DENND1A: variants seen among roughly 807,000 people sequenced by gnomAD.
The protein encoded by DENND1A is DENN domain containing 1A.
DENND1A carries 51 observed loss-of-function variants against 113.7 expected under a neutral mutation model. The observed-to-expected ratio is 0.45, with a 90% CI of 0.36 to 0.57. DENND1A has a LOEUF of 0.57. DENND1A is among the 20% of genes least tolerant of loss of function. The pLI, the probability that DENND1A is intolerant of heterozygous loss-of-function variation, is 0.00. For missense variants in DENND1A, 1,258 were observed against 1,395.9 expected (o/e 0.90, Z 1.57); for synonymous variants, 565 against 570.8 (o/e 0.99, Z 0.14).
At chr9:123,477,079 A>G (rs1372645173) in intron 13 of DENND1A, among the ~76,000 whole-genome samples, 1 of 152,186 alleles carries the variant, frequency 6.6e-6, no homozygotes, top group African/African-American at 2.4e-5. Context: ...CCATTTTCAG[A>G]TGAAGAAACT....
At chr9:123,810,238 C>G (rs984364035) in intron 2 of DENND1A, among the ~76,000 whole-genome samples, 1 of 152,096 alleles carries the variant, frequency 6.6e-6, no homozygotes, top group African/African-American at 2.4e-5. Flanking sequence ...TGTTGGCCAT[C>G]ATGTCTCTCT....
chr9:123,697,910 C>T (rs1327200247), intron 5 of DENND1A, among the ~76,000 whole-genome samples: 1 of 152,204 alleles, frequency 6.6e-6, no homozygotes, highest in African/African-American at 2.4e-5. Flanking sequence ...AACCTTTAGG[C>T]TGTTTAAAAA....
intron 12 of DENND1A, among the ~76,000 whole-genome samples, chr9:123,577,837 A>C (rs988048396): frequency 6.6e-6 from 1 of 152,078 alleles, no homozygotes; most frequent in Non-Finnish European, 1.5e-5. Context: ...GTGCCTCTCA[A>C]AGCTTAATTT....
At chr9:123,436,891 G>A (rs1043939345) in intron 19 of DENND1A, among the ~76,000 whole-genome samples, 1 of 152,118 alleles carries the variant, frequency 6.6e-6, no homozygotes, top group African/African-American at 2.4e-5. Context: ...GGGATTACAG[G>A]TGCCTGCCAT....
intron 21 of DENND1A, among the ~76,000 whole-genome samples, chr9:123,389,189 A>G (rs555617140): frequency 6.6e-6 from 1 of 152,356 alleles, no homozygotes; most frequent in African/African-American, 2.4e-5. Flanking sequence ...CTTTGCTGCA[A>G]TCCGCCAGGG....
intron 13 of DENND1A, among the ~76,000 whole-genome samples, chr9:123,554,761 A>G (rs562043995): frequency 6.6e-6 from 1 of 152,294 alleles, no homozygotes; most frequent in East Asian, 1.9e-4. Flanking sequence ...AATTGGTGGC[A>G]TCCTTCGATT....
At chr9:123,776,542 C>T (rs1449940038) in intron 3 of DENND1A, among the ~76,000 whole-genome samples, 1 of 152,136 alleles carries the variant, frequency 6.6e-6, no homozygotes, top group Non-Finnish European at 1.5e-5. Context: ...ATGTGTACTT[C>T]TGATAACATT....
intron 13 of DENND1A, among the ~76,000 whole-genome samples, chr9:123,506,675 G>A (rs1396666423): frequency 1.3e-5 from 2 of 151,654 alleles, no homozygotes; most frequent in Non-Finnish European, 2.9e-5. Flanking sequence ...AGAGATTAGG[G>A]TAATTATGAC....
chr9:123,592,458 C>T (rs968274386), intron 11 of DENND1A, among the ~76,000 whole-genome samples: 2 of 152,160 alleles, frequency 1.3e-5, no homozygotes, highest in African/African-American at 4.8e-5. Context: ...CTCAGTTTCC[C>T]TATCTGTATA....
At chr9:123,489,783 A>T (rs1372710498) in intron 13 of DENND1A, among the ~76,000 whole-genome samples, 1 of 152,230 alleles carries the variant, frequency 6.6e-6, no homozygotes, top group Non-Finnish European at 1.5e-5. Context: ...GGAGAAACTC[A>T]GTCTCCTTAT....
At chr9:123,640,151 T>C (rs138333941) in intron 9 of DENND1A, among the ~76,000 whole-genome samples, 1 of 152,208 alleles carries the variant, frequency 6.6e-6, no homozygotes, top group East Asian at 1.9e-4. Flanking sequence ...CAATTTAAAA[T>C]AGAGAGAGAA....
intron 12 of DENND1A, among the ~76,000 whole-genome samples, chr9:123,582,824 G>A (rs1325288874): frequency 6.6e-6 from 1 of 152,076 alleles, no homozygotes; most frequent in African/African-American, 2.4e-5. Flanking sequence ...CTCAGCTCCC[G>A]AGTAGCTGGG....
At chr9:123,698,347 C>G (rs1004865803) in intron 5 of DENND1A, among the ~76,000 whole-genome samples, 6 of 152,190 alleles carry the variant, frequency 3.9e-5, no homozygotes, top group South Asian at 4.1e-4. Flanking sequence ...TGGTTTAGAG[C>G]TATATCTGAA....
chr9:123,561,355 G>T (rs1320906041), intron 12 of DENND1A, among the ~76,000 whole-genome samples: 3 of 152,156 alleles, frequency 2.0e-5, no homozygotes, highest in Non-Finnish European at 2.9e-5. Context: ...TCTGAAACTA[G>T]CCAAGTGGTC....
At chr9:123,864,070 C>G (rs77210415) in intron 2 of DENND1A, among the ~76,000 whole-genome samples, 1 of 150,972 alleles carries the variant, frequency 6.6e-6, no homozygotes, top group Non-Finnish European at 1.5e-5. Flanking sequence ...AATAATATAG[C>G]TGTCCTTTTG....
chr9:123,424,981 C>A (rs752096672), intron 19 of DENND1A, among the ~76,000 whole-genome samples: 1 of 152,218 alleles, frequency 6.6e-6, no homozygotes, highest in African/African-American at 2.4e-5. Context: ...GCAGGCACTA[C>A]CTGGCTCTGC....
At position 123,916,371 on chromosome 9, in the gene DENND1A, C is replaced by CTTTT. The variant is rs545019678; in HGVS notation, c.17+13514_17+13517dup. 1.5e-3 allele frequency among the ~76,000 whole-genome samples: 187 copies of CTTTT among 126,648 alleles called. 4 individuals carry two copies. Among genetic ancestry groups the CTTTT allele is most frequent in the African/African-American group, 4.9e-3 (165 of 33,338 alleles). The allele number at this position is 126,648 out of a possible 152,430, so 83.1% of individuals were successfully genotyped here. A position where few individuals can be genotyped will look rare whatever the true frequency, so the allele number is the denominator to read the frequency against. The stretch of plus-strand genomic sequence containing the variant: ...AGATGTGAATATATCTACGTATTTG[C>CTTTT]TTTTTTTTTTTTTTTTTTGAGACAG... On this transcript the variant is annotated intron_variant, in intron 1 of 23. Coordinates refer to ENST00000394215, the MANE Select transcript of DENND1A (RefSeq NM_001352964.2).
chr9:123,574,394 T>C (rs1393487808), intron 12 of DENND1A, among the ~76,000 whole-genome samples: 1 of 152,144 alleles, frequency 6.6e-6, no homozygotes, highest in African/African-American at 2.4e-5. Flanking sequence ...AGATTTAAAA[T>C]TCTTTAATAG....
At position 123,383,720 on chromosome 9, in the gene DENND1A, T is replaced by C; in HGVS notation, c.1954A>G (p.Lys652Glu). 1 of 1,614,178 alleles carries C rather than the reference T, an allele frequency of 6.2e-7. No homozygotes were observed. The highest frequency in any genetic ancestry group is 8.5e-7 in the Non-Finnish European group (1 of 1,180,034). The part of the protein sequence containing the change: ...EAALQPLGQA[K>E]SLEDLRAPKD... Reference sequence around the variant, plus strand: ...GGGGCACGAAGGTCCTCTAAGCTCTTGGCCTGGCCCAGTGGCTGCAGTGCG... The same window carrying C: ...GGGGCACGAAGGTCCTCTAAGCTCTCGGCCTGGCCCAGTGGCTGCAGTGCG... Residue 652 changes from lysine (K) to glutamate (E), a missense_variant, in exon 23 of 24, where the codon AAG becomes GAG. Lys to Glu is a moderately conservative substitution (Grantham distance 56, BLOSUM62 1). Coordinates refer to ENST00000394215, the MANE Select transcript of DENND1A (RefSeq NM_001352964.2).
Sources: allele counts gnomAD v4.1 joint callset (sites outside exome capture counted in the v4.1 genomes callset), GRCh38; gene constraint gnomAD v4.1.1; transcripts MANE v1.5; gene names NCBI Gene and HGNC (gene_info 2026-07-23, HGNC 2026-07-21).